Variants in IFT56 observed in about 807,000 individuals in gnomAD.
IFT56 encodes the protein intraflagellar transport protein 56.
At chr7:139,178,592 C>G in the IFT56 span, 1 of 1,613,756 alleles carries the variant, frequency 6.2e-7, no homozygotes, top group African/African-American at 1.3e-5. Flanking sequence ...CCAGTGAGGG[C>G]GAAGAGGTGG....
chr7:139,138,948 C>G, the IFT56 span, among the ~76,000 whole-genome samples: 1 of 151,836 alleles, frequency 6.6e-6, no homozygotes, highest in East Asian at 1.9e-4. Flanking sequence ...GTAGCTGGGA[C>G]TACAGACATG....
the IFT56 span, among the ~76,000 whole-genome samples, chr7:139,182,308 A>G: frequency 9.2e-5 from 14 of 151,932 alleles, no homozygotes; most frequent in Non-Finnish European, 1.8e-4. Flanking sequence ...TTCAAAGTGA[A>G]TCGTTACCAA....
chr7:139,163,340 T>TAAAA, the IFT56 span, among the ~76,000 whole-genome samples: 1 of 124,650 alleles, frequency 8.0e-6, no homozygotes, highest in Non-Finnish European at 1.7e-5. Context: ...AGACTCCATC[T>TAAAA]AAAAAAAAAA....
chr7:139,163,248 A>G, the IFT56 span, among the ~76,000 whole-genome samples: 1 of 151,116 alleles, frequency 6.6e-6, no homozygotes, highest in Non-Finnish European at 1.5e-5. Flanking sequence ...AGGCTGAGGC[A>G]GGAGAATGGT....
the IFT56 span, chr7:139,173,681 G>A: frequency 6.5e-6 from 5 of 772,180 alleles, no homozygotes; most frequent in African/African-American, 1.7e-5. Flanking sequence ...ATTGGCATGT[G>A]GCATAGCATG....
chr7:139,149,424 T>A, the IFT56 span, among the ~76,000 whole-genome samples: 1 of 152,078 alleles, frequency 6.6e-6, no homozygotes, highest in African/African-American at 2.4e-5. Flanking sequence ...CTTCTTCTCC[T>A]TGGCTACTAT....
the IFT56 span, among the ~76,000 whole-genome samples, chr7:139,186,860 T>C: frequency 0.29 from 43,423 of 150,082 alleles, 12,498 homozygotes; most frequent in African/African-American, 0.73. Flanking sequence ...TTTGGGAGGC[T>C]GAGACGGGTG....
chr7:139,159,558 G>C, the IFT56 span, among the ~76,000 whole-genome samples: 2 of 152,158 alleles, frequency 1.3e-5, no homozygotes, highest in South Asian at 4.1e-4. Flanking sequence ...TTCCCACCTT[G>C]TGCTGGTATT....
chr7:139,157,378 C>T, the IFT56 span, among the ~76,000 whole-genome samples: 3 of 151,828 alleles, frequency 2.0e-5, no homozygotes, highest in Non-Finnish European at 2.9e-5. Flanking sequence ...AACTCCTGAC[C>T]TCAGGTGATC....
the IFT56 span, among the ~76,000 whole-genome samples, chr7:139,141,378 C>A: frequency 1.8e-4 from 27 of 152,180 alleles, no homozygotes; most frequent in African/African-American, 5.1e-4. Flanking sequence ...ATCCTCCAGC[C>A]CCAGCCTCCT....
the IFT56 span, among the ~76,000 whole-genome samples, chr7:139,171,964 A>T: frequency 2.0e-5 from 3 of 152,208 alleles, no homozygotes; most frequent in African/African-American, 7.2e-5. Context: ...ATAATGTTTC[A>T]TAGAGAGGGA....
the IFT56 span, chr7:139,142,423 G>A: frequency 2.3e-6 from 2 of 879,708 alleles, no homozygotes; most frequent in Non-Finnish European, 3.5e-6. Context: ...TGGTTTTCTA[G>A]AACAAGTGGA....
chr7:139,143,151 C>A, the IFT56 span, among the ~76,000 whole-genome samples: 1 of 152,026 alleles, frequency 6.6e-6, no homozygotes, highest in African/African-American at 2.4e-5. Flanking sequence ...TCATTCTGAA[C>A]ATCCTAGAAA....
the IFT56 span, among the ~76,000 whole-genome samples, chr7:139,157,442 C>T: frequency 1.2e-3 from 186 of 150,874 alleles, no homozygotes; most frequent in African/African-American, 2.6e-3. Context: ...CCACCGTGCC[C>T]GGCCAGACCT....
the IFT56 span, among the ~76,000 whole-genome samples, chr7:139,153,708 C>G: frequency 8.6e-5 from 13 of 152,010 alleles, no homozygotes; most frequent in Admixed American, 6.6e-4. Flanking sequence ...ATGAATATAC[C>G]TCTTTTAGTT....
the IFT56 span, chr7:139,181,197 A>G: frequency 1.2e-6 from 2 of 1,605,804 alleles, no homozygotes; most frequent in Admixed American, 3.4e-5. Context: ...GACTGCTACA[A>G]GGTGAGTCTG....
chr7:139,179,566 T>C, the IFT56 span: 5 of 1,613,288 alleles, frequency 3.1e-6, no homozygotes, highest in Non-Finnish European at 4.2e-6. Flanking sequence ...TCTTTCCTCT[T>C]CTTGCAGGCG....
At chr7:139,181,109 C>T in the IFT56 span, 3 of 1,607,910 alleles carry the variant, frequency 1.9e-6, no homozygotes, top group Non-Finnish European at 2.5e-6. Flanking sequence ...GAATAAGAAA[C>T]CAAGACTAGC....
the IFT56 span, among the ~76,000 whole-genome samples, chr7:139,155,155 T>C: frequency 1.3e-5 from 2 of 152,186 alleles, no homozygotes; most frequent in Admixed American, 1.3e-4. Flanking sequence ...TACTACTGAT[T>C]TTTGTATTGA....
Sources: gnomAD v4.1 joint callset for allele counts (sites outside exome capture counted in the v4.1 genomes callset) on GRCh38, gnomAD v4.1.1 for gene constraint, MANE v1.5 for transcripts, NCBI Gene and HGNC (gene_info 2026-07-23, HGNC 2026-07-21) for gene names.